The following FAM91A1 variants were observed in gnomAD, a reference collection of about 807,000 sequenced individuals.
FAM91A1 encodes protein FAM91A1.
Under a neutral mutation model 113.5 loss-of-function variants are expected in FAM91A1, and 41 were observed. The ratio of observed to expected loss-of-function variants is 0.36; its 90% CI spans 0.28 to 0.47. FAM91A1 has a LOEUF of 0.47. Among genes scored for constraint, FAM91A1 ranks in the 20% least tolerant of loss-of-function variants. FAM91A1 has a pLI of 1.00. For synonymous variants in FAM91A1, 307 were observed against 347.9 expected (o/e 0.88, Z 1.31); for missense variants, 696 against 1,001.2 (o/e 0.70, Z 4.11).
chr8:123,794,937 G>GT (rs1815474918), intron 15 of FAM91A1, among the ~76,000 whole-genome samples: 1 of 152,186 alleles, frequency 6.6e-6, no homozygotes, highest in African/African-American at 2.4e-5. Context: ...TTATGAAGCT[G>GT]TTTTTACATC....
intron 18 of FAM91A1, among the ~76,000 whole-genome samples, chr8:123,803,911 C>T (rs1190724348): frequency 6.6e-6 from 1 of 152,128 alleles, no homozygotes; most frequent in African/African-American, 2.4e-5. Flanking sequence ...TGGAGATCCT[C>T]AGTATTAAAT....
At chr8:123,788,446 T>A (rs1815308884) in intron 14 of FAM91A1, among the ~76,000 whole-genome samples, 1 of 152,088 alleles carries the variant, frequency 6.6e-6, no homozygotes, top group Non-Finnish European at 1.5e-5. Flanking sequence ...TTTAGAGAAT[T>A]TGTGGTGATT....
intron 15 of FAM91A1, among the ~76,000 whole-genome samples, chr8:123,795,575 G>C (rs1301269460): frequency 2.6e-5 from 4 of 152,094 alleles, no homozygotes; most frequent in Non-Finnish European, 5.9e-5. Context: ...TCTGCTTCCT[G>C]TACAGCCTGC....
At chr8:123,798,415 A>G (rs1319803724) in intron 16 of FAM91A1, among the ~76,000 whole-genome samples, 177 bp downstream of exon 16, 3 of 152,246 alleles carry the variant, frequency 2.0e-5, no homozygotes, top group Admixed American at 6.5e-5. Flanking sequence ...TATATTTTAT[A>G]TAAGTATCAC....
At chr8:123,768,859 G>T in intron 1 of FAM91A1, 85 bp downstream of exon 1, 3 of 1,376,348 alleles carry the variant, frequency 2.2e-6, no homozygotes, top group Non-Finnish European at 3.0e-6. Context: ...GGGCCCGAGC[G>T]GGCTGCTGCC....
chr8:123,768,854 C>A, intron 1 of FAM91A1, 80 bp downstream of exon 1: 1 of 1,421,416 alleles, frequency 7.0e-7, no homozygotes, highest in Non-Finnish European at 9.8e-7. Flanking sequence ...TCGCGGGGCC[C>A]GAGCGGGCTG....
chr8:123,776,574 G>C (rs7007309), intron 3 of FAM91A1, among the ~76,000 whole-genome samples: 6,824 of 152,278 alleles, frequency 0.045, 191 homozygotes, highest in African/African-American at 0.076. Flanking sequence ...AGTTACTGCT[G>C]TCTCTTTATT....
At chr8:123,792,868 T>G (rs1480718290) in intron 15 of FAM91A1, among the ~76,000 whole-genome samples, 1 of 152,112 alleles carries the variant, frequency 6.6e-6, no homozygotes, top group African/African-American at 2.4e-5. Flanking sequence ...TATGACAAGG[T>G]CAGAAACAGA....
At chr8:123,800,656 A>T (rs117689696) in intron 18 of FAM91A1, among the ~76,000 whole-genome samples, 2 of 151,890 alleles carry the variant, frequency 1.3e-5, no homozygotes, top group African/African-American at 4.8e-5. Flanking sequence ...TTTAGTGATC[A>T]CTCTTCTATT....
intron 1 of FAM91A1, among the ~76,000 whole-genome samples, chr8:123,771,085 A>G (rs905332913): frequency 2.0e-5 from 3 of 152,176 alleles, no homozygotes; most frequent in Non-Finnish European, 4.4e-5. Flanking sequence ...TGCTTGTATT[A>G]ATAGCATATT....
intron 15 of FAM91A1, among the ~76,000 whole-genome samples, chr8:123,795,552 A>G (rs1048786714): frequency 7.2e-5 from 11 of 152,138 alleles, no homozygotes; most frequent in African/African-American, 2.7e-4. Context: ...GCCTCCTCAG[A>G]AGCAGAGGCC....
chr8:123,801,136 T>G (rs973705779), intron 18 of FAM91A1, among the ~76,000 whole-genome samples: 10 of 152,226 alleles, frequency 6.6e-5, no homozygotes, highest in African/African-American at 2.4e-4. Context: ...TCATTTTACA[T>G]TCTCACGGGC....
At chr8:123,782,023 A>T (rs563859154) in intron 8 of FAM91A1, among the ~76,000 whole-genome samples, 3 of 152,332 alleles carry the variant, frequency 2.0e-5, no homozygotes, top group African/African-American at 7.2e-5. Flanking sequence ...AGATCCACCT[A>T]TTAATAAAAA....
intron 15 of FAM91A1, among the ~76,000 whole-genome samples, chr8:123,792,430 G>A (rs1363783617): frequency 1.3e-5 from 2 of 152,080 alleles, no homozygotes; most frequent in South Asian, 2.1e-4. Context: ...AAAGTCATGC[G>A]TGGTCTGTTT....
chr8:123,809,140 G>A (rs1586397930), intron 22 of FAM91A1, 124 bp downstream of exon 22: 1 of 1,322,466 alleles, frequency 7.6e-7, no homozygotes, highest in Admixed American at 2.6e-5. Context: ...TTTGTTGATT[G>A]AATAGAGATC....
chr8:123,789,464 C>A, intron 14 of FAM91A1, 149 bp from the exon 15 acceptor site: 2 of 1,075,530 alleles, frequency 1.9e-6, no homozygotes, highest in African/African-American at 1.6e-5. Context: ...TCAACCAAGA[C>A]TGAGGTTAAT....
intron 12 of FAM91A1, 106 bp from the exon 13 acceptor site, chr8:123,787,155 T>G: frequency 1.2e-6 from 1 of 825,110 alleles, no homozygotes; most frequent in Non-Finnish European, 1.9e-6. Context: ...TTTAAAATTA[T>G]GTACTTTCTG....
At chr8:123,789,521 G>T (rs1181973634) in intron 14 of FAM91A1, 92 bp from the exon 15 acceptor site, 5 of 1,556,358 alleles carry the variant, frequency 3.2e-6, no homozygotes, top group South Asian at 1.2e-5. Flanking sequence ...TACTACTTTT[G>T]AATAATGTCT....
chr8:123,796,651 G>C (rs1815527538), intron 15 of FAM91A1, among the ~76,000 whole-genome samples: 1 of 151,238 alleles, frequency 6.6e-6, no homozygotes, highest in Non-Finnish European at 1.5e-5. Context: ...TAGAGACGGG[G>C]TTTCGCCATG....
Sources: gnomAD v4.1 joint callset for allele counts (sites outside exome capture counted in the v4.1 genomes callset) on GRCh38, gnomAD v4.1.1 for gene constraint, MANE v1.5 for transcripts, NCBI Gene and HGNC (gene_info 2026-07-23, HGNC 2026-07-21) for gene names.